Variants in ESF1 observed in about 807,000 individuals in gnomAD.
ESF1 encodes the protein ESF1 homolog.
Under a neutral mutation model 92.0 loss-of-function variants are expected in ESF1, and 58 were observed. The observed-to-expected ratio is 0.63, with a 90% CI of 0.51 to 0.78. ESF1 has a LOEUF of 0.78. Among genes scored for constraint, ESF1 ranks in the 30% least tolerant of loss-of-function variants. The pLI, the probability that ESF1 is intolerant of heterozygous loss-of-function variation, is 0.00. For missense variants in ESF1, 922 were observed against 989.1 expected, an observed-to-expected ratio of 0.93 and a Z score of 0.91; for synonymous variants, 321 against 313.7, an observed-to-expected ratio of 1.02 and a Z score of -0.24.
rs532305644 is a variant in ESF1 at position 13,732,947 on chromosome 20, G to T, written c.1950+774C>A. 8.2e-5 allele frequency among the ~76,000 whole-genome samples: 12 copies of T among 146,420 alleles called. No homozygotes were observed. In the South Asian group the frequency reaches 2.6e-3, roughly 31 times the overall value. On this transcript the variant is annotated intron_variant, in intron 10 of 13. Coordinates refer to ENST00000617257, the MANE Select transcript of ESF1 (RefSeq NM_001276380.2). ...ATTTATTTATTTATTTATTTATTGA[G>T]ACAGAGTCTTGCCCTGTCGCCCAGG...
chr20:13,755,355 ATT>A (rs1186292115), intron 9 of ESF1, among the ~76,000 whole-genome samples: 2 of 152,238 alleles, frequency 1.3e-5, no homozygotes, highest in African/African-American at 4.8e-5. Context: ...TTTCATATAT[ATT>A]GTTTATATTC....
At chr20:13,751,057 GTTA>G (rs1314777061) in intron 9 of ESF1, among the ~76,000 whole-genome samples, 1 of 152,122 alleles carries the variant, frequency 6.6e-6, no homozygotes, top group Non-Finnish European at 1.5e-5. Context: ...GTAATAAAAG[GTTA>G]TTATGTTATC....
chr20:13,776,208 A>C lies in ESF1; in HGVS notation c.700T>G (p.Cys234Gly). ...GYENSTDGEM[C>G]DKDALEEDSE... ...TCTTCCTCCAGAGCATCTTTGTCAC[A>C]CATTTCACCATCTGTTGAGTTTTCA... The change falls in exon 3 of 14, where the codon TGT (cysteine) becomes GGT (glycine). Residue 234 changes from cysteine to glycine, a missense_variant. Transcript: ENST00000617257. 1.2e-6 allele frequency: 2 copies of C among 1,613,804 alleles called. No homozygotes were observed. The highest frequency in any genetic ancestry group is 1.7e-6 in the Non-Finnish European group (2 of 1,179,890).
intron 9 of ESF1, among the ~76,000 whole-genome samples, chr20:13,751,573 T>G (rs7353586): frequency 0.1 from 15,934 of 152,236 alleles, 894 homozygotes; most frequent in Non-Finnish European, 0.13. Context: ...TGCAGGGATG[T>G]GGGGGGGAAC....
chr20:13,784,297 A>AT (rs1980505751), intron 1 of ESF1, among the ~76,000 whole-genome samples: 1 of 141,728 alleles, frequency 7.1e-6, no homozygotes, highest in African/African-American at 2.5e-5. Context: ...CCCCCCCAAA[A>AT]TGATTAAAAG....
Position 13,771,475 on chromosome 20 carries a change from C to G in ESF1, c.1259G>C (p.Arg420Thr). 6.2e-7 allele frequency: 1 copy of G among 1,612,040 alleles called. No individual in the cohort carries two copies. Residue 420 changes from arginine (R) to threonine (T), a missense_variant, in exon 6 of 14, where the codon AGA becomes ACA. Arg to Thr is a moderately conservative substitution (Grantham distance 71, BLOSUM62 -1). Coordinates refer to ENST00000617257, the MANE Select transcript of ESF1 (RefSeq NM_001276380.2). ...GAATTGATAATCTCTCAATTTTTCT[C>G]TAGACGTCCTAAAGTGGGAAAAACT... ...EDAPEKDWTSREKLRDYQFKR... is the reference protein window; with the variant it reads ...EDAPEKDWTSTEKLRDYQFKR...
Position 13,772,500 on chromosome 20 carries a change from A to G in ESF1, c.1250+15T>C, listed in dbSNP as rs766489927. The G allele has an allele frequency of 2.6e-6, 4 of 1,542,886 alleles. No homozygotes were observed. Among genetic ancestry groups the G allele is most frequent in the African/African-American group, 2.7e-5 (2 of 73,622 alleles). Reference sequence around the variant, plus strand: ...TTTATGAGGTTTAGTTTTATGTTCTATAGTGATTTAATACCAGTCTTTTTC... The same window carrying G: ...TTTATGAGGTTTAGTTTTATGTTCTGTAGTGATTTAATACCAGTCTTTTTC... On this transcript the variant is annotated intron_variant, in intron 5 of 13. Transcript: ENST00000617257.
At chr20:13,750,139 C>T (rs781749085) in intron 9 of ESF1, among the ~76,000 whole-genome samples, 1 of 152,140 alleles carries the variant, frequency 6.6e-6, no homozygotes, top group Non-Finnish European at 1.5e-5. Flanking sequence ...TTTCAGAGGA[C>T]AGAAAATGGC....
chr20:13,757,226 A>G (rs1347374098), intron 9 of ESF1, among the ~76,000 whole-genome samples: 1 of 152,254 alleles, frequency 6.6e-6, no homozygotes, highest in Non-Finnish European at 1.5e-5. Flanking sequence ...TGCCACAAGT[A>G]CAAATATTTT....
At chr20:13,733,914 A>G in intron 9 of ESF1, 72 bp from the exon 10 acceptor site, 1 of 1,480,506 alleles carries the variant, frequency 6.8e-7, no homozygotes, top group South Asian at 1.4e-5. Flanking sequence ...TATAATTTAT[A>G]AAGACAAATA....
Position 13,718,849 on chromosome 20 carries a change from T to G in ESF1, c.2115+59A>C. 3.9e-6 allele frequency: 5 copies of G among 1,283,894 alleles called. No individual in the cohort carries two copies. The African/African-American group carries it at 6.0e-5, about 15-fold the overall frequency. 79.5% of individuals were successfully genotyped at this position (1,283,894 alleles called of 1,614,324 possible). On this transcript the variant is annotated intron_variant, in intron 12 of 13. Transcript: ENST00000617257. The stretch of plus-strand genomic sequence containing the variant: ...TTTTAAAATTAGTGACATGTACAAC[T>G]TCATTTAAATTGTACCTATGAATTA...
chr20:13,774,475 C>T (rs1162495839), intron 4 of ESF1, among the ~76,000 whole-genome samples: 1 of 152,194 alleles, frequency 6.6e-6, no homozygotes, highest in African/African-American at 2.4e-5. Context: ...TGATTGAGGG[C>T]AGGGCTATTT....
intron 11 of ESF1, among the ~76,000 whole-genome samples, chr20:13,720,870 C>T (rs1015784440): frequency 2.0e-5 from 3 of 152,212 alleles, no homozygotes; most frequent in Non-Finnish European, 4.4e-5. Flanking sequence ...CCTGTAATCC[C>T]AGCACTTCGG....
Position 13,783,098 on chromosome 20 carries a change from G to C in ESF1, c.43C>G (p.Arg15Gly). ...CAAAATCTCGGGTCCTTTGCAACCC[G>C]TCTAAACCGCTGGTCACTCATTATT... ...QEIMSDQRFR[R>G]VAKDPRFWEM... Residue 15 changes from arginine (R) to glycine (G), a missense_variant, in exon 2 of 14, where the codon CGG becomes GGG. By Grantham distance (125) the Arg-to-Gly change is moderately radical (BLOSUM62 -2). Transcript: ENST00000617257. 6.2e-7 allele frequency: 1 copy of C among 1,611,666 alleles called. No homozygotes were observed. Among genetic ancestry groups the C allele is most frequent in the South Asian group, 1.1e-5 (1 of 90,978 alleles).
intron 2 of ESF1, among the ~76,000 whole-genome samples, chr20:13,779,786 C>T (rs760290315): frequency 6.6e-6 from 1 of 152,186 alleles, no homozygotes; most frequent in Non-Finnish European, 1.5e-5. Flanking sequence ...CCACCCGCCT[C>T]GGTCTCCCAA....
intron 9 of ESF1, among the ~76,000 whole-genome samples, chr20:13,743,878 A>G (rs2050031176): frequency 6.6e-6 from 1 of 152,238 alleles, no homozygotes; most frequent in African/African-American, 2.4e-5. Flanking sequence ...ATCACACTGT[A>G]TAGCTTAAAT....
chr20:13,784,008 T>C (rs2094652), intron 1 of ESF1, among the ~76,000 whole-genome samples: 148,358 of 152,294 alleles, frequency 0.97, 72,373 homozygotes, highest in East Asian at 1. Context: ...CTTTTTAAAT[T>C]CGATCATCCT....
At chr20:13,717,631 T>A (rs1241934256) in intron 12 of ESF1, 117 bp from the exon 13 acceptor site, 1 of 1,103,002 alleles carries the variant, frequency 9.1e-7, no homozygotes, top group Non-Finnish European at 1.3e-6. Flanking sequence ...ACTAGAACTC[T>A]GGGGTACCAC....
At chr20:13,775,684 AGAG>A (rs1479518213) in intron 3 of ESF1, among the ~76,000 whole-genome samples, 186 bp downstream of exon 3, 1 of 152,204 alleles carries the variant, frequency 6.6e-6, no homozygotes, top group Non-Finnish European at 1.5e-5. Flanking sequence ...TTATTTATGT[AGAG>A]CCTCTTCTTA....
Sources: allele counts gnomAD v4.1 joint callset (sites outside exome capture counted in the v4.1 genomes callset), GRCh38; gene constraint gnomAD v4.1.1; transcripts MANE v1.5; gene names NCBI Gene and HGNC (gene_info 2026-07-23, HGNC 2026-07-21).